Variants in DNAH8 observed in about 807,000 individuals in gnomAD.
The protein encoded by DNAH8 is axonemal beta dynein heavy chain 8.
A neutral mutation model predicts 562.1 loss-of-function variants in DNAH8; 382 were observed. That is an observed-to-expected ratio of 0.68 (90% confidence interval 0.63 to 0.74). The LOEUF is 0.74. Ranked by LOEUF, DNAH8 falls within the 30% of genes least tolerant of loss-of-function variation. DNAH8 has a pLI of 0.00. For missense variants in DNAH8, 5,203 were observed against 5,620.4 expected (o/e 0.93, Z 2.37); for synonymous variants, 1,881 against 1,919.4 (o/e 0.98, Z 0.52).
At position 38,835,248 on chromosome 6, in the gene DNAH8, T is replaced by C. The variant is rs530083403; in HGVS notation, c.4365+607T>C. On this transcript the variant is annotated intron_variant, in intron 32 of 92. Coordinates refer to ENST00000327475, the MANE Select transcript of DNAH8 (RefSeq NM_001206927.2). ...TTCTTTGCTCCTGCTCTTTTTCCTG[T>C]TTCCCACAGTGGCTGAATAGTGTGA... Among the ~76,000 whole-genome samples, 4 of 152,222 alleles carry C rather than the reference T, an allele frequency of 2.6e-5. No individual in the cohort carries two copies. The South Asian group carries it at 8.3e-4, about 32-fold the overall frequency.
At chr6:38,879,767 A>G (rs1274290729) in intron 53 of DNAH8, among the ~76,000 whole-genome samples, 1 of 152,214 alleles carries the variant, frequency 6.6e-6, no homozygotes, top group Non-Finnish European at 1.5e-5. Context: ...AGAACAAGTA[A>G]AATTCTCTTT....
chr6:38,974,192 A>T (rs1047678977), intron 84 of DNAH8, among the ~76,000 whole-genome samples, 182 bp from the exon 85 acceptor site: 5 of 152,238 alleles, frequency 3.3e-5, no homozygotes, highest in Admixed American at 6.5e-5. Context: ...CTCAATGCCA[A>T]TAGAATGCTC....
At chr6:38,994,271 T>A (rs374359286) in intron 88 of DNAH8, among the ~76,000 whole-genome samples, 6 of 152,212 alleles carry the variant, frequency 3.9e-5, no homozygotes, top group East Asian at 3.8e-4. Flanking sequence ...ATGTTAGGGA[T>A]AACAACCCTT....
intron 4 of DNAH8, 147 bp from the exon 5 acceptor site, chr6:38,734,327 C>CCCA: frequency 6.1e-6 from 1 of 162,742 alleles, no homozygotes; most frequent in Non-Finnish European, 9.4e-6. Context: ...TTCTAGTAGA[C>CCCA]CCCCCCCCAA....
Position 38,913,937 on chromosome 6 carries a change from C to A in DNAH8, c.9948C>A (p.Ser3316=). The change falls in exon 67 of 93, where the codon TCC becomes TCA. Residue 3316 remains serine, a synonymous_variant. Transcript: ENST00000327475. The part of the protein sequence containing the change: ...AVKEKELAVA[S]IKADEVLAEV... ...AGGAGAAGGAGTTGGCAGTGGCTTC[C>A]ATAAAAGCAGACGAAGTGAGTTTGC... The A allele has an allele frequency of 6.2e-7, 1 of 1,612,026 alleles. No individual in the cohort carries two copies.
At chr6:38,740,063 T>G (rs1245571531) in intron 7 of DNAH8, among the ~76,000 whole-genome samples, 1 of 152,230 alleles carries the variant, frequency 6.6e-6, no homozygotes, top group Non-Finnish European at 1.5e-5. Flanking sequence ...GTCTCACTGG[T>G]GTATTTATTT....
At position 38,890,710 on chromosome 6, in the gene DNAH8, G is replaced by C. The variant is rs752375333; in HGVS notation, c.8532G>C (p.Glu2844Asp). The change falls in exon 58 of 93, where the codon GAG (glutamate) becomes GAC (aspartate). Residue 2844 changes from glutamate (E) to aspartate (D), a missense_variant. Around this residue, in one of 6 missense-constraint regions of DNAH8, gnomAD observed 977 missense variants for 1,061.8 expected, o/e 0.92. Transcript: ENST00000327475. ...GAAGTTTCAAGCCTCAAATATGTGAGATGATTGTGAATTTAGTCTCAGTGG... is the reference window on the plus strand; with the variant it reads ...GAAGTTTCAAGCCTCAAATATGTGACATGATTGTGAATTTAGTCTCAGTGG... ...PCRSFKPQICEMIVNLVSVGR... is the reference protein window; with the variant it reads ...PCRSFKPQICDMIVNLVSVGR... 6.2e-6 allele frequency: 10 copies of C among 1,613,812 alleles called. No individual in the cohort carries two copies. In the South Asian group the frequency reaches 1.1e-4, roughly 18 times the overall value.
chr6:38,721,328 T>TA (rs1367166201), intron 1 of DNAH8, among the ~76,000 whole-genome samples: 5 of 112,992 alleles, frequency 4.4e-5, no homozygotes, highest in Non-Finnish European at 5.4e-5. Flanking sequence ...AAAATAAAAA[T>TA]AATAAACAAA....
chr6:38,758,646 T>C (rs1455807704), intron 10 of DNAH8, among the ~76,000 whole-genome samples: 2 of 152,010 alleles, frequency 1.3e-5, no homozygotes, highest in East Asian at 3.9e-4. Flanking sequence ...GTCTATTCAG[T>C]ATGATATTGG....
At chr6:38,813,309 A>G (rs1771964585) in intron 24 of DNAH8, among the ~76,000 whole-genome samples, 2 of 152,144 alleles carry the variant, frequency 1.3e-5, no homozygotes, top group South Asian at 2.1e-4. Context: ...GTCCTTTCCA[A>G]TAATACGTTT....
chr6:38,730,015 G>C (rs770474063), intron 4 of DNAH8, 29 bp downstream of exon 4: 1 of 1,073,874 alleles, frequency 9.3e-7, no homozygotes, highest in Non-Finnish European at 1.4e-6. Flanking sequence ...CAGTGTGCCA[G>C]TAATTAGTTC....
At position 38,835,450 on chromosome 6, in the gene DNAH8, G is replaced by A. The variant is rs147259396; in HGVS notation, c.4365+809G>A. On this transcript the variant is annotated intron_variant, in intron 32 of 92. Transcript: ENST00000327475. ...GCAAGCTAGAGAGAAAACTGCAAGTGCGATGAGAGCTGTGACCTAGGTATG... is the reference window on the plus strand; with the variant it reads ...GCAAGCTAGAGAGAAAACTGCAAGTACGATGAGAGCTGTGACCTAGGTATG... Among the ~76,000 whole-genome samples, 19 of 152,292 alleles carry A rather than the reference G, an allele frequency of 1.2e-4. 1 individual carries two copies. The East Asian group carries it at 3.3e-3, about 26-fold the overall frequency.
Position 38,715,960 on chromosome 6 carries a change from A to ATTTTTTTTT in DNAH8, c.-35+553_-35+561dup, listed in dbSNP as rs869120118. On this transcript the variant is annotated intron_variant, in intron 1 of 92. Coordinates refer to ENST00000327475, the MANE Select transcript of DNAH8 (RefSeq NM_001206927.2). ...TATATATATATATATATATATATAT[A>ATTTTTTTTT]TTTTTTTTTTTTTTTTGAGACGGAG... Among the ~76,000 whole-genome samples, 64 of 23,578 alleles carry ATTTTTTTTT rather than the reference A, an allele frequency of 2.7e-3. 1 individual carries two copies. The highest frequency in any genetic ancestry group is 3.6e-3 in the Non-Finnish European group (57 of 16,004). 15.5% of individuals were successfully genotyped at this position (23,578 alleles called of 152,430 possible).
intron 85 of DNAH8, among the ~76,000 whole-genome samples, chr6:38,976,224 A>G (rs545826722): frequency 1.3e-5 from 2 of 152,206 alleles, no homozygotes; most frequent in Non-Finnish European, 2.9e-5. Flanking sequence ...TTAGTTGATC[A>G]AGTTATGTCT....
At chr6:38,914,311 G>GTT (rs869139440) in intron 67 of DNAH8, among the ~76,000 whole-genome samples, 1 of 136,076 alleles carries the variant, frequency 7.3e-6, no homozygotes, top group African/African-American at 2.7e-5. Flanking sequence ...AGTTGGTAGA[G>GTT]TTTTTTTTTT....
At chr6:38,967,076 G>A (rs1399188492) in intron 82 of DNAH8, among the ~76,000 whole-genome samples, 5 of 152,164 alleles carry the variant, frequency 3.3e-5, no homozygotes, top group East Asian at 1.9e-4. Context: ...ATGCAGAAAA[G>A]CATTGAAAAC....
intron 29 of DNAH8, among the ~76,000 whole-genome samples, chr6:38,826,697 A>G (rs1773357358): frequency 6.6e-6 from 1 of 152,194 alleles, no homozygotes; most frequent in Admixed American, 6.5e-5. Context: ...GTCCCTTGTC[A>G]TGTCAATCCC....
Position 38,873,026 on chromosome 6 carries a change from C to G in DNAH8, c.7358C>G (p.Ala2453Gly). The change falls in exon 51 of 93, where the codon GCC becomes GGC. Residue 2453 changes from alanine to glycine, a missense_variant. Coordinates refer to ENST00000327475, the MANE Select transcript of DNAH8 (RefSeq NM_001206927.2). ...GCTAATGGAGATCGCATTCCCATGG[C>G]CCCTAGTTGTAAGCTTCTGTTTGAA... ...TLANGDRIPM[A>G]PSCKLLFEVH... is the part of the protein sequence containing the mutation. 6.2e-7 allele frequency: 1 copy of G among 1,614,122 alleles called. No homozygotes were observed. The highest frequency in any genetic ancestry group is 8.5e-7 in the Non-Finnish European group (1 of 1,179,996).
intron 28 of DNAH8, 49 bp downstream of exon 28, chr6:38,823,737 G>A: frequency 2.2e-6 from 3 of 1,377,990 alleles, no homozygotes; most frequent in Non-Finnish European, 3.0e-6. Flanking sequence ...TTCACATGAA[G>A]TGTTACTTTA....
Sources: gnomAD v4.1 joint callset for allele counts (sites outside exome capture counted in the v4.1 genomes callset) on GRCh38, gnomAD v4.1.1 for gene constraint, gnomAD v4.1.1 regional missense constraint, MANE v1.5 for transcripts, NCBI Gene and HGNC (gene_info 2026-07-23, HGNC 2026-07-21) for gene names.